The following OSBP2 variants were observed in gnomAD, a reference collection of about 807,000 sequenced individuals.
The protein encoded by OSBP2 is oxysterol-binding protein 2.
Under a neutral mutation model 96.0 loss-of-function variants are expected in OSBP2, and 66 were observed. That is an observed-to-expected ratio of 0.69 (90% CI 0.56 to 0.84). OSBP2 has a LOEUF of 0.84. Among genes scored for constraint, OSBP2 ranks in the 40% least tolerant of loss-of-function variants. The pLI is 0.00. For missense variants in OSBP2, 1,038 were observed against 1,222.7 expected (o/e 0.85, Z 2.25); for synonymous variants, 525 against 520.9 (o/e 1.01, Z -0.11).
In OSBP2 at chr22:30,746,874, G is replaced by T. The variant is rs534667996; in HGVS notation, c.853+5505G>T. ...ACAAAGACGTCACAAGAAAAGAAAAGTATAAACCATTATCCTTTATGAATA... is the reference window on the plus strand; with the variant it reads ...ACAAAGACGTCACAAGAAAAGAAAATTATAAACCATTATCCTTTATGAATA... On this transcript the variant is annotated intron_variant, in intron 2 of 13. Transcript: ENST00000332585. Among the ~76,000 whole-genome samples, 26 of 152,242 alleles carry T rather than the reference G, an allele frequency of 1.7e-4. No homozygotes were observed. In the South Asian group the frequency reaches 5.4e-3, roughly 32 times the overall value.
chr22:30,852,948 T>G (rs2039004782), intron 2 of OSBP2, among the ~76,000 whole-genome samples: 1 of 152,216 alleles, frequency 6.6e-6, no homozygotes, highest in Non-Finnish European at 1.5e-5. Flanking sequence ...ATATTTTTGT[T>G]ATTGTTGTCT....
chr22:30,834,095 G>A (rs748663722), intron 2 of OSBP2, among the ~76,000 whole-genome samples: 2 of 151,470 alleles, frequency 1.3e-5, no homozygotes, highest in South Asian at 2.1e-4. Flanking sequence ...TGCTGCCCAC[G>A]CTGGGGTGCA....
At chr22:30,781,521 T>C (rs1344137186) in intron 2 of OSBP2, among the ~76,000 whole-genome samples, 3 of 152,128 alleles carry the variant, frequency 2.0e-5, no homozygotes, top group Admixed American at 6.6e-5. Context: ...GAACACCAGC[T>C]TGAGAGGGTG....
At chr22:30,874,376 C>A (rs747273458) in intron 3 of OSBP2, among the ~76,000 whole-genome samples, 9 of 151,792 alleles carry the variant, frequency 5.9e-5, no homozygotes, top group Non-Finnish European at 1.0e-4. Context: ...CACGCCACTG[C>A]ACTCCAGCCT....
chr22:30,715,777 G>A (rs1461739419), intron 1 of OSBP2, among the ~76,000 whole-genome samples: 1 of 150,950 alleles, frequency 6.6e-6, no homozygotes, highest in African/African-American at 2.4e-5. Flanking sequence ...GGCTGGTCTT[G>A]AACTCCTGAC....
In OSBP2 at chr22:30,889,252, C is replaced by T; in HGVS notation, c.1476+18C>T. ...CAGACAATGTAAGTGAGGGGGAGCA[C>T]TGTAAGGGCCAGAAGGCAGCTTCTG... On this transcript the variant is annotated intron_variant, in intron 6 of 13. Transcript: ENST00000332585. The T allele has an allele frequency of 6.2e-7, 1 of 1,610,088 alleles. No homozygotes were observed. Among genetic ancestry groups the T allele is most frequent in the Non-Finnish European group, 8.5e-7 (1 of 1,178,354 alleles).
At chr22:30,767,293 G>C (rs9609083) in intron 2 of OSBP2, among the ~76,000 whole-genome samples, 1 of 151,606 alleles carries the variant, frequency 6.6e-6, no homozygotes, top group Non-Finnish European at 1.5e-5. Flanking sequence ...CTGGGCAACA[G>C]AGCAAGACTT....
intron 1 of OSBP2, among the ~76,000 whole-genome samples, chr22:30,720,432 C>T (rs867574131): frequency 1.3e-5 from 2 of 152,158 alleles, no homozygotes; most frequent in African/African-American, 2.4e-5. Flanking sequence ...CAGTTCCTCA[C>T]CCTGTGGATT....
chr22:30,743,624 C>T (rs1281364715), intron 2 of OSBP2, among the ~76,000 whole-genome samples: 1 of 152,058 alleles, frequency 6.6e-6, no homozygotes, highest in African/African-American at 2.4e-5. Context: ...CTCACACTGG[C>T]CAAGTAAGGA....
At chr22:30,712,468 CA>C in intron 1 of OSBP2, among the ~76,000 whole-genome samples, 1 of 152,274 alleles carries the variant, frequency 6.6e-6, no homozygotes, top group Admixed American at 6.5e-5. Flanking sequence ...TCCATGAGGT[CA>C]GGGCTCCCAG....
At chr22:30,789,596 C>T (rs1421367230) in intron 2 of OSBP2, among the ~76,000 whole-genome samples, 1 of 152,134 alleles carries the variant, frequency 6.6e-6, no homozygotes, top group Non-Finnish European at 1.5e-5. Flanking sequence ...CGGGAAGAGC[C>T]TACGGACAGT....
chr22:30,750,167 C>T (rs2090056067), intron 2 of OSBP2, among the ~76,000 whole-genome samples: 1 of 152,150 alleles, frequency 6.6e-6, no homozygotes, highest in East Asian at 1.9e-4. Flanking sequence ...ACAGTGGGCC[C>T]AGGGGCAGAT....
At chr22:30,869,531 TTTTTG>T (rs1159705480) in intron 2 of OSBP2, among the ~76,000 whole-genome samples, 6 of 152,108 alleles carry the variant, frequency 3.9e-5, no homozygotes, top group African/African-American at 9.7e-5. Context: ...GTTTTGGGTG[TTTTTG>T]TTTTGTTTTG....
At chr22:30,794,745 C>T (rs145124542) in intron 2 of OSBP2, among the ~76,000 whole-genome samples, 2,316 of 149,722 alleles carry the variant, frequency 0.015, 58 homozygotes, top group African/African-American at 0.052. Context: ...TGCAGTGAGC[C>T]GAGATTGCAT....
chr22:30,833,472 A>G (rs2038572185), intron 2 of OSBP2, among the ~76,000 whole-genome samples: 1 of 152,180 alleles, frequency 6.6e-6, no homozygotes, highest in African/African-American at 2.4e-5. Context: ...TACATGTGTA[A>G]TTGAGCTCTG....
intron 2 of OSBP2, among the ~76,000 whole-genome samples, chr22:30,845,878 CAAAAA>C (rs544099138): frequency 1.4e-5 from 1 of 70,590 alleles, no homozygotes. Flanking sequence ...GAGACTCTCT[CAAAAA>C]AAAAAAAAAA....
chr22:30,784,307 G>A (rs2090558785), intron 2 of OSBP2, among the ~76,000 whole-genome samples: 1 of 151,906 alleles, frequency 6.6e-6, no homozygotes, highest in Non-Finnish European at 1.5e-5. Context: ...AAGTTGGAGT[G>A]CAGTGGCATG....
At chr22:30,734,613 G>A (rs941976941) in intron 1 of OSBP2, among the ~76,000 whole-genome samples, 4 of 152,018 alleles carry the variant, frequency 2.6e-5, no homozygotes, top group African/African-American at 9.7e-5. Flanking sequence ...ACAACAATCT[G>A]GATTTTAGGA....
chr22:30,742,292 C>T (rs867043011), intron 2 of OSBP2, among the ~76,000 whole-genome samples: 9 of 150,970 alleles, frequency 6.0e-5, no homozygotes, highest in South Asian at 2.1e-4. Context: ...ATTAGCTGGG[C>T]GTGGTGGTGC....
Sources: gnomAD v4.1 joint callset for allele counts (sites outside exome capture counted in the v4.1 genomes callset) on GRCh38, gnomAD v4.1.1 for gene constraint, MANE v1.5 for transcripts, NCBI Gene and HGNC (gene_info 2026-07-23, HGNC 2026-07-21) for gene names.